Variants in VWF observed in about 807,000 individuals in gnomAD.
VWF encodes von Willebrand factor.
A neutral mutation model predicts 308.6 loss-of-function variants in VWF; 176 were observed. The ratio of observed to expected loss-of-function variants is 0.57; its 90% CI spans 0.50 to 0.65. The LOEUF (loss-of-function observed/expected upper bound fraction) is 0.65, where lower values mean the gene tolerates loss of function less well. Ranked by LOEUF, VWF falls within the 30% of genes least tolerant of loss-of-function variation. The pLI is 0.00. For synonymous variants in VWF, 1,385 were observed against 1,443.4 expected, an observed-to-expected ratio of 0.96 and a Z score of 0.92; for missense variants, 3,146 against 3,648.2, an observed-to-expected ratio of 0.86 and a Z score of 3.55.
chr12:6,103,463 T>C lies in VWF; in HGVS notation c.532+6911A>G, dbSNP rs1241500314. Among the ~76,000 whole-genome samples, 40 of 67,418 alleles carry C rather than the reference T, an allele frequency of 5.9e-4. 1 individual carries two copies. Among genetic ancestry groups the C allele is most frequent in the Admixed American group, 2.0e-3 (14 of 6,914 alleles). The allele number at this position is 67,418 out of a possible 152,430, so 44.2% of individuals were successfully genotyped here. On this transcript the variant is annotated intron_variant, in intron 5 of 51. Transcript: ENST00000261405. ...ATATACATACACATATATGTGTATA[T>C]ACACATATGTGTGTATATACATATA...
chr12:6,111,355 G>C (rs984147910), intron 3 of VWF, among the ~76,000 whole-genome samples: 5 of 152,184 alleles, frequency 3.3e-5, no homozygotes, highest in African/African-American at 7.2e-5. Context: ...GGTGCTCTAG[G>C]AGAGTGTTAT....
intron 6 of VWF, among the ~76,000 whole-genome samples, chr12:6,076,455 T>G (rs1204891947): frequency 6.6e-6 from 1 of 152,198 alleles, no homozygotes; most frequent in Admixed American, 6.5e-5. Context: ...AACAATGGTG[T>G]GTCTTAGAAT....
intron 5 of VWF, among the ~76,000 whole-genome samples, chr12:6,109,411 G>T (rs1270271828): frequency 6.6e-6 from 1 of 152,028 alleles, no homozygotes; most frequent in Non-Finnish European, 1.5e-5. Context: ...GTACATATCA[G>T]ACAATAAAAT....
intron 19 of VWF, among the ~76,000 whole-genome samples, chr12:6,035,562 G>A (rs1944326573): frequency 6.6e-6 from 1 of 152,122 alleles, no homozygotes; most frequent in South Asian, 2.1e-4. Context: ...GAATGAGCAG[G>A]GTGAGGGGTT....
At chr12:6,050,720 G>A (rs1268211187) in intron 16 of VWF, among the ~76,000 whole-genome samples, 1 of 152,218 alleles carries the variant, frequency 6.6e-6, no homozygotes, top group African/African-American at 2.4e-5. Flanking sequence ...AGCACTCTGG[G>A]AGGCCGAGGC....
At chr12:5,983,625 A>G (rs1409689548) in intron 40 of VWF, among the ~76,000 whole-genome samples, 1 of 151,914 alleles carries the variant, frequency 6.6e-6, no homozygotes, top group Non-Finnish European at 1.5e-5. Context: ...AGATAGACAG[A>G]TAGATATAGA....
At chr12:6,004,448 T>C (rs1943905536) in intron 34 of VWF, among the ~76,000 whole-genome samples, 1 of 152,148 alleles carries the variant, frequency 6.6e-6, no homozygotes, top group Admixed American at 6.5e-5. Flanking sequence ...ATACATGATA[T>C]GTGTGTGCAC....
chr12:6,053,562 A>C (rs1418034658), intron 15 of VWF, among the ~76,000 whole-genome samples: 1 of 152,148 alleles, frequency 6.6e-6, no homozygotes, highest in Non-Finnish European at 1.5e-5. Context: ...CTCCCACAGA[A>C]AAATACTGCA....
At chr12:6,079,628 G>T (rs190763087) in intron 6 of VWF, among the ~76,000 whole-genome samples, 369 of 151,386 alleles carry the variant, frequency 2.4e-3, no homozygotes, top group Admixed American at 4.1e-3. Context: ...AAAAAAAATA[G>T]GTCCAAAGAG....
intron 10 of VWF, among the ~76,000 whole-genome samples, chr12:6,068,477 T>C (rs1207836458): frequency 6.7e-6 from 1 of 150,364 alleles, no homozygotes; most frequent in Non-Finnish European, 1.5e-5. Context: ...ATGCATTTCT[T>C]TTTTTTTTTC....
chr12:6,071,137 T>C (rs921114855), intron 10 of VWF, among the ~76,000 whole-genome samples, 160 bp downstream of exon 10: 1 of 152,204 alleles, frequency 6.6e-6, no homozygotes, highest in Non-Finnish European at 1.5e-5. Context: ...GCATAGCTGG[T>C]ACCTGAAACC....
intron 32 of VWF, among the ~76,000 whole-genome samples, chr12:6,012,632 C>T (rs977045677): frequency 1.3e-5 from 2 of 151,126 alleles, no homozygotes; most frequent in African/African-American, 4.9e-5. Flanking sequence ...TTTTGACTTA[C>T]ATCTAGTAAC....
intron 34 of VWF, among the ~76,000 whole-genome samples, chr12:6,000,502 C>A (rs1174365370): frequency 6.6e-6 from 1 of 152,088 alleles, no homozygotes; most frequent in Non-Finnish European, 1.5e-5. Flanking sequence ...TACACATAAG[C>A]CCTTCTTAAG....
chr12:6,120,191 A>G (rs994877589), intron 3 of VWF, among the ~76,000 whole-genome samples: 2 of 152,198 alleles, frequency 1.3e-5, no homozygotes, highest in Admixed American at 1.3e-4. Flanking sequence ...ATCTCAGGTA[A>G]GTGTCCAGGT....
intron 47 of VWF, among the ~76,000 whole-genome samples, chr12:5,955,742 TAGAC>T (rs761014632): frequency 7.9e-5 from 12 of 152,108 alleles, no homozygotes; most frequent in South Asian, 2.1e-4. Context: ...AATGGAAAAA[TAGAC>T]AGGGAATTTT....
At chr12:6,003,671 T>C (rs1292160986) in intron 34 of VWF, among the ~76,000 whole-genome samples, 2 of 151,876 alleles carry the variant, frequency 1.3e-5, no homozygotes, top group South Asian at 2.1e-4. Context: ...GAAAGCAAAA[T>C]GGTTGTTGCC....
At chr12:6,039,734 T>C (rs1369162920) in intron 18 of VWF, among the ~76,000 whole-genome samples, 1 of 152,180 alleles carries the variant, frequency 6.6e-6, no homozygotes, top group Non-Finnish European at 1.5e-5. Context: ...CGCCCACATG[T>C]GAGGCCGCCT....
intron 22 of VWF, among the ~76,000 whole-genome samples, 200 bp downstream of exon 22, chr12:6,029,142 C>A (rs562549556): frequency 5.3e-4 from 80 of 150,422 alleles, no homozygotes; most frequent in Non-Finnish European, 1.0e-3. Context: ...AGTCTTTGAA[C>A]CAACAAAGAT....
At chr12:6,068,207 G>GA (rs989242082) in intron 10 of VWF, among the ~76,000 whole-genome samples, 7 of 149,606 alleles carry the variant, frequency 4.7e-5, no homozygotes, top group African/African-American at 9.8e-5. Flanking sequence ...CCTGCCTCAT[G>GA]AAAAAAAACA....
Sources: allele counts gnomAD v4.1 joint callset (sites outside exome capture counted in the v4.1 genomes callset), GRCh38; gene constraint gnomAD v4.1.1; transcripts MANE v1.5; gene names NCBI Gene and HGNC (gene_info 2026-07-23, HGNC 2026-07-21).